ZNF532: variants seen among roughly 807,000 people sequenced by gnomAD.
The protein encoded by ZNF532 is zinc finger protein 532.
In ZNF532, 22 loss-of-function variants were observed where a neutral mutation model predicts 89.3. That is an observed-to-expected ratio of 0.25 (90% CI 0.18 to 0.35). The LOEUF (loss-of-function observed/expected upper bound fraction) is 0.35. Ranked by LOEUF, ZNF532 falls within the 10% of genes least tolerant of loss-of-function variation. The pLI is 1.00. For synonymous variants in ZNF532, 606 were observed against 649.6 expected (o/e 0.93, Z 1.02); for missense variants, 1,132 against 1,643.4 (o/e 0.69, Z 5.38).
intron 2 of ZNF532, among the ~76,000 whole-genome samples, chr18:58,902,125 G>A (rs1036072156): frequency 1.3e-5 from 2 of 152,108 alleles, no homozygotes; most frequent in East Asian, 1.9e-4. Flanking sequence ...TTGTGGCTGC[G>A]CATCCCAGTG....
At chr18:58,881,328 G>T (rs1267027953) in intron 2 of ZNF532, among the ~76,000 whole-genome samples, 1 of 151,974 alleles carries the variant, frequency 6.6e-6, no homozygotes, top group Non-Finnish European at 1.5e-5. Flanking sequence ...AGACGACGGG[G>T]TTTCACCATG....
chr18:58,892,611 A>G (rs773100618), intron 2 of ZNF532, among the ~76,000 whole-genome samples: 22 of 152,252 alleles, frequency 1.4e-4, no homozygotes, highest in Non-Finnish European at 2.8e-4. Flanking sequence ...TCCAGGAATG[A>G]AAGAGGTACA....
chr18:58,918,203 A>T (rs1191368364), intron 2 of ZNF532, 68 bp from the exon 3 acceptor site: 19 of 1,384,774 alleles, frequency 1.4e-5, no homozygotes, highest in Non-Finnish European at 1.9e-5. Context: ...TGTGAATTGT[A>T]TAGGGGTTTT....
intron 2 of ZNF532, among the ~76,000 whole-genome samples, chr18:58,880,723 CATAGATGT>C (rs2057808828): frequency 7.0e-6 from 1 of 142,318 alleles, no homozygotes; most frequent in South Asian, 2.3e-4. Context: ...TTTATAGGTA[CATAGATGT>C]ATATTTGAGC....
chr18:58,869,166 G>A (rs965905563), intron 2 of ZNF532, among the ~76,000 whole-genome samples: 1 of 152,166 alleles, frequency 6.6e-6, no homozygotes, highest in Non-Finnish European at 1.5e-5. Context: ...GAATTGGGGT[G>A]GCTGGATCAC....
chr18:58,968,318 A>C (rs867369671), intron 7 of ZNF532, among the ~76,000 whole-genome samples: 4 of 152,172 alleles, frequency 2.6e-5, no homozygotes, highest in Admixed American at 6.5e-5. Context: ...CAGATTAAAA[A>C]CATTCCCATA....
chr18:58,973,031 TTTGA>T (rs1242948615), intron 7 of ZNF532, among the ~76,000 whole-genome samples: 3 of 152,164 alleles, frequency 2.0e-5, no homozygotes, highest in Admixed American at 1.3e-4. Flanking sequence ...ACAACAAAAC[TTTGA>T]TTGTACGCTT....
chr18:58,980,604 C>G (rs2072582647), intron 8 of ZNF532: 1 of 152,098 alleles, frequency 6.6e-6, no homozygotes, highest in African/African-American at 2.4e-5. Flanking sequence ...TTCTTGATAC[C>G]TGGTTTTATA....
intron 2 of ZNF532, among the ~76,000 whole-genome samples, chr18:58,914,637 A>G (rs1283434450): frequency 6.6e-6 from 1 of 152,210 alleles, no homozygotes; most frequent in African/African-American, 2.4e-5. Context: ...CCGAGATCAC[A>G]CTGCTGTACT....
At chr18:58,871,075 A>G (rs2056939988) in intron 2 of ZNF532, among the ~76,000 whole-genome samples, 1 of 152,184 alleles carries the variant, frequency 6.6e-6, no homozygotes. Flanking sequence ...CTTACGTAGT[A>G]AAAACCATAA....
chr18:58,928,642 G>T (rs906063872), intron 3 of ZNF532, among the ~76,000 whole-genome samples: 6 of 152,128 alleles, frequency 3.9e-5, no homozygotes, highest in African/African-American at 1.4e-4. Flanking sequence ...AGAGCCTAGA[G>T]GACTGAGGAC....
At chr18:58,894,468 A>C (rs1476230684) in intron 2 of ZNF532, among the ~76,000 whole-genome samples, 1 of 93,066 alleles carries the variant, frequency 1.1e-5, no homozygotes, top group African/African-American at 4.3e-5. Context: ...ACTCCATCTC[A>C]AAAAAAAAAA....
intron 2 of ZNF532, among the ~76,000 whole-genome samples, chr18:58,878,288 C>T (rs980744909): frequency 6.6e-6 from 1 of 151,456 alleles, no homozygotes. Flanking sequence ...AAAAAAACCA[C>T]TGGGCAGGTA....
chr18:58,916,121 T>G (rs1463665867), intron 2 of ZNF532, among the ~76,000 whole-genome samples: 1 of 152,230 alleles, frequency 6.6e-6, no homozygotes, highest in Non-Finnish European at 1.5e-5. Flanking sequence ...GACCTCCAAC[T>G]TTAGATCAAC....
At chr18:58,939,246 C>CAAAAAAAAAAAAAAAAAAAAAAAAAAA (rs71336307) in intron 4 of ZNF532, among the ~76,000 whole-genome samples, 199 bp from the exon 5 acceptor site, 3 of 34,508 alleles carry the variant, frequency 8.7e-5, no homozygotes, top group Non-Finnish European at 1.3e-4. Flanking sequence ...GACGTTGTCT[C>CAAAAAAAAAAAAAAAAAAAAAAAAAAA]AAAAAAAAAA....
intron 9 of ZNF532, among the ~76,000 whole-genome samples, 158 bp downstream of exon 9, chr18:58,981,775 C>T (rs2067799310): frequency 6.6e-6 from 1 of 152,038 alleles, no homozygotes; most frequent in South Asian, 2.1e-4. Context: ...GAGGCCGAGG[C>T]GGGTAAATCA....
chr18:58,921,091 TA>T (rs890622149), intron 3 of ZNF532, among the ~76,000 whole-genome samples: 8 of 148,282 alleles, frequency 5.4e-5, no homozygotes, highest in Non-Finnish European at 1.5e-5. Flanking sequence ...CATATCTCTT[TA>T]AAAAAAAAAG....
At chr18:58,872,494 A>G (rs2057070340) in intron 2 of ZNF532, among the ~76,000 whole-genome samples, 1 of 152,162 alleles carries the variant, frequency 6.6e-6, no homozygotes, top group Admixed American at 6.5e-5. Context: ...AAAAGGTTAG[A>G]AAATTCAAAG....
intron 7 of ZNF532, among the ~76,000 whole-genome samples, chr18:58,973,391 T>G (rs1380691763): frequency 3.9e-5 from 6 of 152,358 alleles, no homozygotes; most frequent in African/African-American, 1.4e-4. Context: ...CGTGAGCCAC[T>G]GTGCCTGGCC....
Sources: gnomAD v4.1 joint callset for allele counts (sites outside exome capture counted in the v4.1 genomes callset) on GRCh38, gnomAD v4.1.1 for gene constraint, MANE v1.5 for transcripts, NCBI Gene and HGNC (gene_info 2026-07-23, HGNC 2026-07-21) for gene names.